The following SMYD3 variants were observed in gnomAD, a reference collection of about 807,000 sequenced individuals.
SMYD3 encodes the protein histone-lysine N-methyltransferase SMYD3.
Under a neutral mutation model 57.7 loss-of-function variants are expected in SMYD3, and 36 were observed. The observed-to-expected ratio is 0.62, with a 90% confidence interval of 0.48 to 0.82. The LOEUF is 0.82. Ranked by LOEUF, SMYD3 falls within the 40% of genes least tolerant of loss-of-function variation. The probability of loss-of-function intolerance (pLI) is 0.00; values close to 1 mark genes in which losing one functional copy is unlikely to be tolerated. For missense variants in SMYD3, 515 were observed against 538.8 expected (o/e 0.96, Z 0.44); for synonymous variants, 211 against 195.0 (o/e 1.08, Z -0.68).
chr1:246,135,585 A>G (rs2061654370), intron 5 of SMYD3, among the ~76,000 whole-genome samples: 3 of 152,098 alleles, frequency 2.0e-5, no homozygotes, highest in African/African-American at 7.2e-5. Flanking sequence ...AGTGATCCCA[A>G]TATCAATCAC....
chr1:246,107,103 C>CCTGGCTAACAT lies in SMYD3; in HGVS notation c.532-177167_532-177166insATGTTAGCCAG, dbSNP rs749267471. 6.1e-4 allele frequency among the ~76,000 whole-genome samples: 66 copies of CCTGGCTAACAT among 108,896 alleles called. No homozygotes were observed. In the East Asian group the frequency reaches 0.016, roughly 26 times the overall value. The allele number at this position is 108,896 out of a possible 152,430, so 71.4% of individuals were successfully genotyped here. On this transcript the variant is annotated intron_variant, in intron 5 of 11. Coordinates refer to ENST00000490107, the MANE Select transcript of SMYD3 (RefSeq NM_001167740.2). ...TCACAAGGTCAGGAGATCGAGACCA[C>CCTGGCTAACAT]GGTGAAACCCCGTCTCTACTAAAAA...
chr1:245,994,720 C>T (rs1273272058), intron 5 of SMYD3, among the ~76,000 whole-genome samples: 2 of 152,194 alleles, frequency 1.3e-5, no homozygotes, highest in South Asian at 2.1e-4. Flanking sequence ...ACTCACTTCC[C>T]TCTCATTATC....
chr1:246,043,507 A>C (rs1034051516), intron 5 of SMYD3, among the ~76,000 whole-genome samples: 3 of 152,366 alleles, frequency 2.0e-5, no homozygotes, highest in African/African-American at 7.2e-5. Context: ...CTGGGAACAC[A>C]GGAAATAACC....
At chr1:246,293,803 C>A (rs1274657716) in intron 5 of SMYD3, among the ~76,000 whole-genome samples, 2 of 152,118 alleles carry the variant, frequency 1.3e-5, no homozygotes, top group African/African-American at 4.8e-5. Flanking sequence ...CTAATTAGTG[C>A]CCTATTCTTT....
At chr1:246,437,168 G>A (rs983225712) in intron 1 of SMYD3, among the ~76,000 whole-genome samples, 2 of 152,050 alleles carry the variant, frequency 1.3e-5, no homozygotes, top group Non-Finnish European at 2.9e-5. Flanking sequence ...CACAGTGCTG[G>A]GATTTCAGAG....
intron 10 of SMYD3, among the ~76,000 whole-genome samples, chr1:245,857,800 G>A (rs1225473698): frequency 2.0e-5 from 3 of 152,106 alleles, no homozygotes; most frequent in African/African-American, 7.2e-5. Context: ...TCAGGGTGCA[G>A]CATCCACCAG....
chr1:245,775,487 C>G (rs1002968908), intron 10 of SMYD3, among the ~76,000 whole-genome samples: 1 of 150,820 alleles, frequency 6.6e-6, no homozygotes, highest in Non-Finnish European at 1.5e-5. Context: ...GCAAGATGTG[C>G]TTTGTTAAAC....
chr1:246,481,621 TAC>T (rs1553354806), intron 1 of SMYD3, among the ~76,000 whole-genome samples: 20 of 98,510 alleles, frequency 2.0e-4, no homozygotes, highest in African/African-American at 7.1e-4. Flanking sequence ...CATACATATA[TAC>T]ATACATACAT....
At chr1:245,872,301 G>C (rs972432146) in intron 8 of SMYD3, among the ~76,000 whole-genome samples, 1 of 151,900 alleles carries the variant, frequency 6.6e-6, no homozygotes, top group Non-Finnish European at 1.5e-5. Context: ...GCTCTGAATT[G>C]TGAGTCCAAG....
intron 5 of SMYD3, among the ~76,000 whole-genome samples, chr1:246,097,702 T>C (rs551937929): frequency 6.6e-6 from 1 of 152,140 alleles, no homozygotes; most frequent in East Asian, 1.9e-4. Context: ...TACCTTCTGC[T>C]TCGTGACCAA....
intron 5 of SMYD3, among the ~76,000 whole-genome samples, chr1:246,169,168 T>C (rs2062276536): frequency 6.6e-6 from 1 of 152,014 alleles, no homozygotes. Context: ...GACTAATACA[T>C]TGGATAGCAA....
intron 5 of SMYD3, among the ~76,000 whole-genome samples, chr1:246,144,155 G>A (rs1200585686): frequency 2.0e-5 from 3 of 152,156 alleles, no homozygotes; most frequent in African/African-American, 4.8e-5. Flanking sequence ...GGATACACCC[G>A]CCAGAGGACT....
At chr1:245,854,755 G>A (rs1345914519) in intron 10 of SMYD3, among the ~76,000 whole-genome samples, 3 of 152,112 alleles carry the variant, frequency 2.0e-5, no homozygotes, top group Admixed American at 6.6e-5. Flanking sequence ...CAGGAAAAAC[G>A]CAGAAGTGCA....
intron 1 of SMYD3, among the ~76,000 whole-genome samples, chr1:246,433,901 A>G (rs1322878038): frequency 6.6e-6 from 1 of 152,236 alleles, no homozygotes; most frequent in Non-Finnish European, 1.5e-5. Context: ...TAACCAAAAC[A>G]GCATAGAACT....
chr1:246,096,112 T>C (rs144396903), intron 5 of SMYD3: 8 of 152,284 alleles, frequency 5.3e-5, no homozygotes, highest in African/African-American at 1.9e-4. Context: ...AACCGATATA[T>C]ATCAAACAGT....
intron 5 of SMYD3, among the ~76,000 whole-genome samples, chr1:246,241,486 C>T (rs1246422163): frequency 2.0e-5 from 3 of 152,074 alleles, no homozygotes; most frequent in African/African-American, 4.8e-5. Flanking sequence ...CTGCTGGATT[C>T]GGTTTGCCAG....
chr1:246,122,284 C>T (rs1465887525), intron 5 of SMYD3, among the ~76,000 whole-genome samples: 1 of 152,026 alleles, frequency 6.6e-6, no homozygotes, highest in Non-Finnish European at 1.5e-5. Flanking sequence ...TGGTGATGCA[C>T]ACTTGTAGTC....
chr1:246,233,809 C>A (rs1327848098), intron 5 of SMYD3, among the ~76,000 whole-genome samples: 1 of 130,522 alleles, frequency 7.7e-6, no homozygotes, highest in African/African-American at 2.9e-5. Context: ...TGAACATATA[C>A]CACACAGAGG....
intron 1 of SMYD3, among the ~76,000 whole-genome samples, chr1:246,369,900 CA>C (rs11361676): frequency 0.66 from 99,480 of 149,844 alleles, 34,095 homozygotes; most frequent in Middle Eastern, 0.8. Context: ...AAGTATAAAA[CA>C]AAAAAAAAAA....
Sources: allele counts gnomAD v4.1 joint callset (sites outside exome capture counted in the v4.1 genomes callset), GRCh38; gene constraint gnomAD v4.1.1; transcripts MANE v1.5; gene names NCBI Gene and HGNC (gene_info 2026-07-23, HGNC 2026-07-21).